Variants in A2ML1 observed in about 807,000 individuals in gnomAD.
The protein encoded by A2ML1 is alpha-2-macroglobulin-like protein 1.
A neutral mutation model predicts 181.9 loss-of-function variants in A2ML1; 161 were observed. The ratio of observed to expected loss-of-function variants is 0.89; its 90% CI spans 0.78 to 1.01. A2ML1 has a LOEUF of 1.01. A2ML1 is among the 50% of genes least tolerant of loss of function. A2ML1 has a pLI of 0.00. For missense variants in A2ML1, 1,670 were observed against 1,768.1 expected, an observed-to-expected ratio of 0.94 and a Z score of 1.00; for synonymous variants, 663 against 666.8, an observed-to-expected ratio of 0.99 and a Z score of 0.09.
chr12:8,873,943 G>T (rs1297237748), intron 33 of A2ML1, among the ~76,000 whole-genome samples: 1 of 152,052 alleles, frequency 6.6e-6, no homozygotes, highest in African/African-American at 2.4e-5. Flanking sequence ...TCAGCAGGAG[G>T]CAATGTCTTT....
rs1182497554 is a variant in A2ML1 at position 8,852,615 on chromosome 12, C to T, written c.2590+279C>T. Among the ~76,000 whole-genome samples the T allele has an allele frequency of 6.6e-6, 1 of 152,218 alleles. No homozygotes were observed. Among genetic ancestry groups the T allele is most frequent in the Non-Finnish European group, 1.5e-5 (1 of 68,046 alleles). ...GGTCATGTAACTAATCAAGGACTTA[C>T]TATAAGAGTCCCTGGGCCAGGCACT... On this transcript the variant is annotated intron_variant, in intron 20 of 35. Transcript: ENST00000299698. This position sits in a 1 kb window ranked among gnomAD's most constrained non-coding sequence, Gnocchi z 4.2.
intron 16 of A2ML1, among the ~76,000 whole-genome samples, chr12:8,849,238 T>G (rs1283981705): frequency 1.3e-5 from 2 of 152,192 alleles, no homozygotes; most frequent in Non-Finnish European, 2.9e-5. Context: ...GGATTTGGGA[T>G]GCTGTGTGAC....
At chr12:8,862,083 A>G (rs1944288241) in intron 28 of A2ML1, among the ~76,000 whole-genome samples, 1 of 152,192 alleles carries the variant, frequency 6.6e-6, no homozygotes, top group African/African-American at 2.4e-5. Context: ...TTTAATGTGA[A>G]GAGAAACTAC....
intron 29 of A2ML1, among the ~76,000 whole-genome samples, chr12:8,866,778 T>C (rs1276553718): frequency 6.6e-6 from 1 of 152,236 alleles, no homozygotes; most frequent in African/African-American, 2.4e-5. Flanking sequence ...TCCTGTTTTG[T>C]AGGACAGTGA....
chr12:8,881,941 G>A (rs1438933311), intron 7 of A2ML1, among the ~76,000 whole-genome samples: 1 of 151,952 alleles, frequency 6.6e-6, no homozygotes, highest in East Asian at 1.9e-4. Context: ...AACCTGGGAG[G>A]TGGAGCTTGC....
At chr12:8,857,050 G>A in intron 23 of A2ML1, 114 bp from the exon 24 acceptor site, 1 of 1,088,814 alleles carries the variant, frequency 9.2e-7, no homozygotes, top group South Asian at 1.6e-5. Flanking sequence ...CCGGCCCATA[G>A]TAGGTACTTA....
In A2ML1 at chr12:8,858,234, C is replaced by T. The variant is rs982305981; in HGVS notation, c.3264+132C>T. The T allele has an allele frequency of 2.5e-4, 282 of 1,131,536 alleles. 2 individuals are homozygous for T. The South Asian group carries it at 2.8e-3, about 11-fold the overall frequency. 70.1% of individuals were successfully genotyped at this position (1,131,536 alleles called of 1,614,324 possible). A position where few individuals can be genotyped will look rare whatever the true frequency, so the allele number is the denominator to read the frequency against. On this transcript the variant is annotated intron_variant, in intron 26 of 35. Coordinates refer to ENST00000299698, the MANE Select transcript of A2ML1 (RefSeq NM_144670.6). The stretch of plus-strand genomic sequence containing the variant: ...GATCTCCACTGTGGCTCTGGGTGAC[C>T]GTGATCAAAATGCTTAGCTGGTCTG...
chr12:8,825,239 A>G (rs2377594), intron 3 of A2ML1, among the ~76,000 whole-genome samples: 152,241 of 152,300 alleles, frequency 1, 76,091 homozygotes, highest in Middle Eastern at 1. Context: ...TCTTTTCTCC[A>G]CATCCTCACC....
At chr12:8,883,075 G>A (rs1944885283) in intron 7 of A2ML1, among the ~76,000 whole-genome samples, 1 of 151,984 alleles carries the variant, frequency 6.6e-6, no homozygotes, top group South Asian at 2.1e-4. Context: ...CTGCTTGGAG[G>A]ACTTCCACTG....
chr12:8,848,896 C>A lies in A2ML1; in HGVS notation c.2010C>A (p.Asp670Glu), dbSNP rs763091079. ...GGCCCTCGTTCTCTGAAGGCACGGA[C>A]CTTTTCAGCTTTTTCCGGGTAGGTC... is the stretch of plus-strand genomic sequence containing the variant. ...IWRPSFSEGT[D>E]LFSFFRDVGL... The change falls in exon 16 of 36, where the codon GAC becomes GAA. Residue 670 changes from aspartate to glutamate, a missense_variant. By Grantham distance (45) the Asp-to-Glu change is conservative. Coordinates refer to ENST00000299698, the MANE Select transcript of A2ML1 (RefSeq NM_144670.6). 5.6e-6 allele frequency: 9 copies of A among 1,612,072 alleles called. 1 individual carries two copies. The Admixed American group carries it at 1.3e-4, about 24-fold the overall frequency.
At chr12:8,840,208 A>C (rs1342243455) in intron 10 of A2ML1, among the ~76,000 whole-genome samples, 1 of 152,010 alleles carries the variant, frequency 6.6e-6, no homozygotes, top group East Asian at 2.0e-4. Flanking sequence ...AAAAATACAA[A>C]AATTAGCCAG....
At chr12:8,867,768 GGGT>G in intron 29 of A2ML1, 71 bp from the exon 30 acceptor site, 1 of 1,319,350 alleles carries the variant, frequency 7.6e-7, no homozygotes, top group African/African-American at 1.4e-5. Flanking sequence ...CCAGATGTGT[GGGT>G]TATAGAGTTG....
intron 33 of A2ML1, among the ~76,000 whole-genome samples, chr12:8,870,634 G>C (rs1944591952): frequency 6.6e-6 from 1 of 152,182 alleles, no homozygotes; most frequent in East Asian, 1.9e-4. Context: ...TAATCATGAT[G>C]TTGCTGTTTA....
intron 11 of A2ML1, among the ~76,000 whole-genome samples, chr12:8,842,410 G>A (rs753766081): frequency 1.1e-3 from 173 of 151,938 alleles, no homozygotes; most frequent in African/African-American, 3.8e-3. Flanking sequence ...TAGTAGAGAT[G>A]GGGTTTCACT....
intron 4 of A2ML1, among the ~76,000 whole-genome samples, chr12:8,831,739 T>TTTTTTG (rs1010242171): frequency 2.6e-4 from 39 of 151,576 alleles, no homozygotes; most frequent in African/African-American, 8.3e-4. Context: ...AATCGAGTTT[T>TTTTTTG]TTTTTGTTTT....
chr12:8,878,517 A>G (rs766151345), downstream of A2ML1, among the ~76,000 whole-genome samples: 1 of 152,212 alleles, frequency 6.6e-6, no homozygotes. This position sits in a 1 kb window ranked among gnomAD's most constrained non-coding sequence, Gnocchi z 4.4. Flanking sequence ...GGGAGGAAAG[A>G]GGGCAAGAGT....
At chr12:8,843,529 A>G (rs1366106256) in intron 12 of A2ML1, among the ~76,000 whole-genome samples, 168 bp downstream of exon 12, 1 of 152,184 alleles carries the variant, frequency 6.6e-6, no homozygotes, top group Admixed American at 6.5e-5. Flanking sequence ...ATTAATTTTA[A>G]ATGTATTTTT....
At chr12:8,845,362 T>G in intron 12 of A2ML1, 80 bp from the exon 13 acceptor site, 1 of 1,504,694 alleles carries the variant, frequency 6.6e-7, no homozygotes, top group Non-Finnish European at 9.2e-7. Flanking sequence ...CATGAAGGGA[T>G]GCAGAGATGC....
intron 33 of A2ML1, among the ~76,000 whole-genome samples, chr12:8,872,387 A>G (rs1944656007): frequency 1.3e-5 from 2 of 152,074 alleles, no homozygotes; most frequent in African/African-American, 4.8e-5. Context: ...TCTTTATCAT[A>G]TTAGAAATTA....
Sources: gnomAD v4.1 joint callset for allele counts (sites outside exome capture counted in the v4.1 genomes callset) on GRCh38, gnomAD v4.1.1 for gene constraint, Gnocchi (gnomAD v3.1) non-coding constraint, MANE v1.5 for transcripts, NCBI Gene and HGNC (gene_info 2026-07-23, HGNC 2026-07-21) for gene names.